SGCB: variants seen among roughly 807,000 people sequenced by gnomAD.
The protein encoded by SGCB is beta-sarcoglycan.
SGCB carries 25 observed loss-of-function variants against 27.3 expected under a neutral mutation model. The observed-to-expected ratio is 0.92, with a 90% CI of 0.67 to 1.28. The LOEUF (loss-of-function observed/expected upper bound fraction) is 1.28, where lower values mean the gene tolerates loss of function less well. Ranked by LOEUF, SGCB falls within the 50% of genes most tolerant of loss-of-function variation. SGCB has a pLI of 0.00. For missense variants in SGCB, 436 were observed against 402.1 expected, an observed-to-expected ratio of 1.08 and a Z score of -0.72; for synonymous variants, 147 against 133.5, an observed-to-expected ratio of 1.10 and a Z score of -0.70.
At position 52,023,591 on chromosome 4, in the gene SGCB, GTC is replaced by G; in HGVS notation, c.*364_*365del. ...ATACCTTTTTAAATATCTTAAGTGGGTCTATCCCCATTAGAGTTACCAAAGTT... is the reference window on the plus strand; with the variant it reads ...ATACCTTTTTAAATATCTTAAGTGGGTATCCCCATTAGAGTTACCAAAGTT... On this transcript the variant is annotated 3_prime_UTR_variant, in exon 6 of 6. Coordinates refer to ENST00000381431, the MANE Select transcript of SGCB (RefSeq NM_000232.5). 3.8e-6 allele frequency: 1 copy of G among 261,478 alleles called. No individual in the cohort carries two copies. The highest frequency in any genetic ancestry group is 7.5e-6 in the Non-Finnish European group (1 of 132,992). The allele number at this position is 261,478 out of a possible 1,614,324, so 16.2% of individuals were successfully genotyped here.
Position 52,029,872 on chromosome 4 carries a change from G to C in SGCB, c.244-9C>G. 6 of 1,607,986 alleles carry C rather than the reference G, an allele frequency of 3.7e-6. No homozygotes were observed. The highest frequency in any genetic ancestry group is 5.1e-6 in the Non-Finnish European group (6 of 1,174,502). On this transcript the variant is annotated splice_polypyrimidine_tract_variant and intron_variant, in intron 2 of 5. Coordinates refer to ENST00000381431, the MANE Select transcript of SGCB (RefSeq NM_000232.5). ...CAAATAACAAGTGTTATCTGAAAAAGAACACAAGTCCACTGTTGGTAGGCC... is the reference window on the plus strand; with the variant it reads ...CAAATAACAAGTGTTATCTGAAAAACAACACAAGTCCACTGTTGGTAGGCC...
In SGCB at chr4:52,023,917, A is replaced by G; in HGVS notation, c.*40T>C. 6.5e-7 allele frequency: 1 copy of G among 1,541,574 alleles called. No individual in the cohort carries two copies. Among genetic ancestry groups the G allele is most frequent in the Non-Finnish European group, 9.0e-7 (1 of 1,114,260 alleles). ...AATGATTTGCATGCATAAAAAAGTC[A>G]AGTCAAGATATAAACATGTTGGTGA... On this transcript the variant is annotated 3_prime_UTR_variant, in exon 6 of 6. Transcript: ENST00000381431.
intron 1 of SGCB, among the ~76,000 whole-genome samples, chr4:52,037,907 T>C (rs1737437713): frequency 6.6e-6 from 1 of 152,188 alleles, no homozygotes; most frequent in Non-Finnish European, 1.5e-5. Context: ...GGTACGTCCC[T>C]GGCACGTCCC....
At chr4:52,032,244 T>G (rs1737267754) in intron 2 of SGCB, among the ~76,000 whole-genome samples, 2 of 152,192 alleles carry the variant, frequency 1.3e-5, no homozygotes, top group Admixed American at 1.3e-4. Context: ...CACTTCTGCT[T>G]TTCAAGGTAC....
At chr4:52,030,946 C>G (rs2109373134) in intron 2 of SGCB, among the ~76,000 whole-genome samples, 1 of 152,278 alleles carries the variant, frequency 6.6e-6, no homozygotes, top group East Asian at 1.9e-4. Flanking sequence ...AAATTATTTT[C>G]TTTCTGAATT....
intron 3 of SGCB, among the ~76,000 whole-genome samples, chr4:52,029,262 G>T (rs1344086212): frequency 1.3e-5 from 2 of 152,166 alleles, no homozygotes; most frequent in Non-Finnish European, 2.9e-5. Flanking sequence ...CTTGGCATGG[G>T]ATGCCACTGA....
chr4:52,034,482 T>C (rs939721934), intron 1 of SGCB, among the ~76,000 whole-genome samples: 1 of 151,202 alleles, frequency 6.6e-6, no homozygotes, highest in Non-Finnish European at 1.5e-5. Context: ...TTGTGTTCAG[T>C]GTTGTAAGTA....
intron 3 of SGCB, 51 bp from the exon 4 acceptor site, chr4:52,028,972 CA>C (rs1560567461): frequency 1.5e-6 from 2 of 1,345,404 alleles, no homozygotes; most frequent in South Asian, 2.4e-5. Flanking sequence ...AGACTGCAAA[CA>C]AAATTCCTGA....
rs1737181581 is a variant in SGCB at position 52,028,988 on chromosome 4, TA to T, written c.430-68del. 5.8e-5 allele frequency: 70 copies of T among 1,213,952 alleles called. 2 individuals are homozygous for T. In the South Asian group the frequency reaches 9.0e-4, roughly 16 times the overall value. The allele number at this position is 1,213,952 out of a possible 1,614,324, so 75.2% of individuals were successfully genotyped here. A position where few individuals can be genotyped will look rare whatever the true frequency, so the allele number is the denominator to read the frequency against. On this transcript the variant is annotated intron_variant, in intron 3 of 5. Coordinates refer to ENST00000381431, the MANE Select transcript of SGCB (RefSeq NM_000232.5). ...GACTGCAAACAAAATTCCTGAACAA[TA>T]TATTTTAAAAATTACAAAAATTACA...
chr4:52,034,384 GTTGCAT>G (rs1029092445), intron 1 of SGCB, among the ~76,000 whole-genome samples: 2 of 134,084 alleles, frequency 1.5e-5, no homozygotes, highest in Admixed American at 7.5e-5. Flanking sequence ...AAAGGGAATG[GTTGCAT>G]TTGTACAGAA....
chr4:52,027,314 G>A (rs189923918), intron 5 of SGCB, among the ~76,000 whole-genome samples: 84 of 152,006 alleles, frequency 5.5e-4, no homozygotes, highest in African/African-American at 1.9e-3. Context: ...TACCATACCT[G>A]TTAAAGTTCA....
rs924979867 is a variant in SGCB at position 52,021,065 on chromosome 4, C to T, written c.*2892G>A. 1.3e-5 allele frequency: 2 copies of T among 151,956 alleles called. No homozygotes were observed. Among genetic ancestry groups the T allele is most frequent in the African/African-American group, 2.4e-5 (1 of 41,370 alleles). The allele number at this position is 151,956 out of a possible 1,614,324, so 9.4% of individuals were successfully genotyped here. A position where few individuals can be genotyped will look rare whatever the true frequency, so the allele number is the denominator to read the frequency against. ...ATATTTTAAAATATTATCAGCAGTC[C>T]GTTTTGTGTGGTTTTACATTTTTCT... On this transcript the variant is annotated 3_prime_UTR_variant, in exon 6 of 6. Coordinates refer to ENST00000381431, the MANE Select transcript of SGCB (RefSeq NM_000232.5).
In SGCB at chr4:52,033,610, T is replaced by C. The variant is rs770155249; in HGVS notation, c.64A>G (p.Met22Val). 1.9e-6 allele frequency: 3 copies of C among 1,613,862 alleles called. No homozygotes were observed. Among genetic ancestry groups the C allele is most frequent in the Non-Finnish European group, 2.5e-6 (3 of 1,179,760 alleles). Residue 22 changes from methionine (M) to valine (V), a missense_variant, in exon 2 of 6, where the codon ATG becomes GTG. Transcript: ENST00000381431. ...QSSNGPVKKS[M>V]REKAVERRSV... is the part of the protein sequence containing the mutation. The stretch of plus-strand genomic sequence containing the variant: ...CTTCTCTCAACAGCCTTCTCACGCA[T>C]GGACTTCTTTACAGGACCATTGGAA...
At chr4:52,025,620 G>A (rs1416270780) in intron 5 of SGCB, among the ~76,000 whole-genome samples, 2 of 152,158 alleles carry the variant, frequency 1.3e-5, no homozygotes, top group Non-Finnish European at 2.9e-5. Flanking sequence ...CAAATTATAC[G>A]GGAAGCATTT....
intron 2 of SGCB, among the ~76,000 whole-genome samples, chr4:52,031,406 ATGTG>A (rs57599198): frequency 0.035 from 5,055 of 142,670 alleles, 218 homozygotes; most frequent in African/African-American, 0.11. Context: ...GTGTGTGTGT[ATGTG>A]TGTGTGTGTG....
intron 4 of SGCB, 79 bp from the exon 5 acceptor site, chr4:52,028,178 G>A: frequency 1.7e-6 from 2 of 1,158,290 alleles, no homozygotes; most frequent in Admixed American, 3.8e-5. Flanking sequence ...AGAAATAGAA[G>A]CTTCAGTCAT....
In SGCB at chr4:52,022,822, GAAGT is replaced by G. The variant is rs1218940825; in HGVS notation, c.*1131_*1134del. ...ATTGTTGGGAAACTGAGGTAACTCA[GAAGT>G]AGGTAAATTTGACCTCTCCATCGTA... On this transcript the variant is annotated 3_prime_UTR_variant, in exon 6 of 6. Coordinates refer to ENST00000381431, the MANE Select transcript of SGCB (RefSeq NM_000232.5). 6.6e-6 allele frequency: 1 copy of G among 152,186 alleles called. No homozygotes were observed. The highest frequency in any genetic ancestry group is 2.4e-5 in the African/African-American group (1 of 41,458). 9.4% of individuals were successfully genotyped at this position (152,186 alleles called of 1,614,324 possible). A position where few individuals can be genotyped will look rare whatever the true frequency, so the allele number is the denominator to read the frequency against.
rs559243987 is a variant in SGCB, at chr4:52,034,662, T to C, written c.34-1022A>G. On this transcript the variant is annotated intron_variant, in intron 1 of 5. Coordinates refer to ENST00000381431, the MANE Select transcript of SGCB (RefSeq NM_000232.5). ...ACAACGGTATATATTTTCATTTATA[T>C]GAAAATAAGACCGGAAAGGCTGACA... Among the ~76,000 whole-genome samples the C allele has an allele frequency of 4.8e-4, 73 of 152,272 alleles. No individual in the cohort carries two copies. In the South Asian group the frequency reaches 0.013, roughly 27 times the overall value.
Position 52,028,108 on chromosome 4 carries a change from T to C in SGCB, c.622-9A>G. On this transcript the variant is annotated splice_polypyrimidine_tract_variant and intron_variant, in intron 4 of 5. Transcript: ENST00000381431. ...GTAGCATTGCTGGTAATCTGAAAATTTAAAAAACAAGTACTAAAAAGAGTT... is the reference window on the plus strand; with the variant it reads ...GTAGCATTGCTGGTAATCTGAAAATCTAAAAAACAAGTACTAAAAAGAGTT... 2 of 1,605,440 alleles carry C rather than the reference T, an allele frequency of 1.2e-6. No individual in the cohort carries two copies. Among genetic ancestry groups the C allele is most frequent in the Non-Finnish European group, 1.7e-6 (2 of 1,172,424 alleles).
Sources: gnomAD v4.1 joint callset for allele counts (sites outside exome capture counted in the v4.1 genomes callset) on GRCh38, gnomAD v4.1.1 for gene constraint, MANE v1.5 for transcripts, NCBI Gene and HGNC (gene_info 2026-07-23, HGNC 2026-07-21) for gene names.